FAM78B: variants seen among roughly 807,000 people sequenced by gnomAD.
FAM78B encodes protein FAM78B.
A neutral mutation model predicts 20.0 loss-of-function variants in FAM78B; 10 were observed. The ratio of observed to expected loss-of-function variants is 0.50; its 90% CI spans 0.31 to 0.85. The LOEUF is 0.85. Ranked by LOEUF, FAM78B falls within the 40% of genes least tolerant of loss-of-function variation. The probability of loss-of-function intolerance (pLI) is 0.05; values close to 1 mark genes in which losing one functional copy is unlikely to be tolerated. For synonymous variants in FAM78B, 135 were observed against 132.8 expected (o/e 1.02, Z -0.12); for missense variants, 283 against 345.0 (o/e 0.82, Z 1.42).
At chr1:166,082,232 C>T (rs1652611957) in intron 1 of FAM78B, among the ~76,000 whole-genome samples, 1 of 152,224 alleles carries the variant, frequency 6.6e-6, no homozygotes, top group African/African-American at 2.4e-5. Flanking sequence ...TCCCTTCTGG[C>T]TCTCTAGACT....
intron 1 of FAM78B, among the ~76,000 whole-genome samples, chr1:166,113,448 C>G (rs995622271): frequency 1.3e-5 from 2 of 152,216 alleles, no homozygotes; most frequent in Non-Finnish European, 2.9e-5. Flanking sequence ...TGAGACAGCA[C>G]GTGTGAAAGC....
chr1:166,147,617 C>T (rs1159060457), intron 1 of FAM78B, among the ~76,000 whole-genome samples: 1 of 151,914 alleles, frequency 6.6e-6, no homozygotes, highest in Non-Finnish European at 1.5e-5. Flanking sequence ...AACTCACATA[C>T]TAAGGTTCCA....
intron 2 of FAM78B, among the ~76,000 whole-genome samples, chr1:166,064,210 C>T (rs1004367602): frequency 7.2e-5 from 11 of 152,116 alleles, no homozygotes; most frequent in African/African-American, 2.7e-4. Flanking sequence ...CTGTAGGGTA[C>T]AAAAGTTATT....
At chr1:166,071,840 G>A (rs772273382) in intron 1 of FAM78B, among the ~76,000 whole-genome samples, 13 of 152,094 alleles carry the variant, frequency 8.5e-5, no homozygotes, top group African/African-American at 1.4e-4. Context: ...CTTACACAGC[G>A]CTGGAGGGAG....
rs563522524 is a variant in FAM78B, at chr1:166,146,642, T to C, written c.263+19344A>G. 4.6e-5 allele frequency among the ~76,000 whole-genome samples: 7 copies of C among 152,222 alleles called. No individual in the cohort carries two copies. The East Asian group carries it at 1.2e-3, about 25-fold the overall frequency. On this transcript the variant is annotated intron_variant, in intron 1 of 1. Coordinates refer to ENST00000354422, the MANE Select transcript of FAM78B (RefSeq NM_001017961.5). ...CATTCAAAAAAAGGAGGTTGGGAAGTTGCGAATATACAATGGGTCAAGGGC... is the reference window on the plus strand; with the variant it reads ...CATTCAAAAAAAGGAGGTTGGGAAGCTGCGAATATACAATGGGTCAAGGGC...
chr1:166,084,450 G>C (rs1652725678), intron 1 of FAM78B, among the ~76,000 whole-genome samples: 2 of 152,244 alleles, frequency 1.3e-5, no homozygotes, highest in South Asian at 4.2e-4. Flanking sequence ...CATGGATAAG[G>C]ATATGTCCAG....
chr1:166,104,634 A>T (rs898261453), intron 1 of FAM78B, among the ~76,000 whole-genome samples: 1 of 152,216 alleles, frequency 6.6e-6, no homozygotes, highest in Non-Finnish European at 1.5e-5. Context: ...ATAGCTAGGA[A>T]TCCAACTTAC....
At chr1:166,096,116 A>G (rs147840097) in intron 1 of FAM78B, among the ~76,000 whole-genome samples, 1 of 152,352 alleles carries the variant, frequency 6.6e-6, no homozygotes, top group East Asian at 1.9e-4. Flanking sequence ...GACATCTGGT[A>G]TCAACATATT....
chr1:166,088,219 A>C (rs1000311921), intron 1 of FAM78B, among the ~76,000 whole-genome samples: 2 of 152,148 alleles, frequency 1.3e-5, no homozygotes, highest in Non-Finnish European at 2.9e-5. Flanking sequence ...CTGGAACCTC[A>C]CGCTCTTTAG....
At chr1:166,060,614 C>T (rs1468456540) in exon 3 of FAM78B, 1 of 1,289,036 alleles carries the variant, frequency 7.8e-7, no homozygotes, top group Non-Finnish European at 1.0e-6. Context: ...CCTTCTCAGT[C>T]TCTGCCATGT....
At chr1:166,165,863 C>A (rs1656353548) in intron 1 of FAM78B, 123 bp downstream of exon 1, 8 of 1,144,438 alleles carry the variant, frequency 7.0e-6, no homozygotes, top group Admixed American at 4.3e-5. Flanking sequence ...GGAGAGGAGG[C>A]GGGAGGAAGG....
chr1:166,144,292 T>TG (rs34756095), intron 1 of FAM78B, among the ~76,000 whole-genome samples: 14 of 151,406 alleles, frequency 9.2e-5, no homozygotes, highest in African/African-American at 1.5e-4. Context: ...GGAGTGGTGG[T>TG]GGGGGGGTGG....
intron 1 of FAM78B, among the ~76,000 whole-genome samples, chr1:166,156,156 G>A (rs1195416979): frequency 2.0e-5 from 3 of 152,236 alleles, no homozygotes; most frequent in Middle Eastern, 3.2e-3. Flanking sequence ...GAGGCTTTGC[G>A]AGGCAGGCCT....
intron 1 of FAM78B, among the ~76,000 whole-genome samples, chr1:166,113,327 C>T (rs1168850162): frequency 6.6e-6 from 1 of 152,228 alleles, no homozygotes; most frequent in Non-Finnish European, 1.5e-5. Flanking sequence ...AACTCTGTTC[C>T]TTGCAGGTGC....
chr1:166,165,706 A>G (rs949871501), intron 1 of FAM78B, among the ~76,000 whole-genome samples: 1 of 151,960 alleles, frequency 6.6e-6, no homozygotes, highest in Non-Finnish European at 1.5e-5. Context: ...CCGCCTCTCG[A>G]ACCCTCCTTG....
chr1:166,140,269 T>A (rs555160457), intron 1 of FAM78B, among the ~76,000 whole-genome samples: 1 of 152,326 alleles, frequency 6.6e-6, no homozygotes, highest in South Asian at 2.1e-4. Flanking sequence ...TCCTGGAGAA[T>A]GAAGGCTGAC....
At chr1:166,159,993 G>T (rs1656081059) in intron 1 of FAM78B, among the ~76,000 whole-genome samples, 1 of 152,208 alleles carries the variant, frequency 6.6e-6, no homozygotes, top group South Asian at 2.1e-4. Flanking sequence ...GCTCTAGATT[G>T]GCATCCCCAG....
At chr1:166,109,818 A>G (rs867506700) in intron 1 of FAM78B, among the ~76,000 whole-genome samples, 518 of 19,494 alleles carry the variant, frequency 0.027, 22 homozygotes, top group African/African-American at 0.078. Flanking sequence ...ATATATGTAT[A>G]TATATATATA....
chr1:166,158,085 T>C (rs1655986398), intron 1 of FAM78B, among the ~76,000 whole-genome samples: 1 of 152,146 alleles, frequency 6.6e-6, no homozygotes, highest in Admixed American at 6.5e-5. Flanking sequence ...AGAAAACCAA[T>C]AAAGCTAGGT....
Sources: gnomAD v4.1 joint callset for allele counts (sites outside exome capture counted in the v4.1 genomes callset) on GRCh38, gnomAD v4.1.1 for gene constraint, MANE v1.5 for transcripts, NCBI Gene and HGNC (gene_info 2026-07-23, HGNC 2026-07-21) for gene names.